UBE2U: variants seen among roughly 807,000 people sequenced by gnomAD.
The protein encoded by UBE2U is ubiquitin-conjugating enzyme E2 U.
A neutral mutation model predicts 41.2 loss-of-function variants in UBE2U; 39 were observed. The ratio of observed to expected loss-of-function variants is 0.95; its 90% CI spans 0.73 to 1.24. The LOEUF (loss-of-function observed/expected upper bound fraction) is 1.24, where lower values mean the gene tolerates loss of function less well. Ranked by LOEUF, UBE2U falls within the 50% of genes most tolerant of loss-of-function variation. The probability of loss-of-function intolerance (pLI) is 0.00; values close to 1 mark genes in which losing one functional copy is unlikely to be tolerated. For synonymous variants in UBE2U, 107 were observed against 117.8 expected (o/e 0.91, Z 0.60); for missense variants, 336 against 363.1 (o/e 0.93, Z 0.61).
intron 6 of UBE2U, among the ~76,000 whole-genome samples, chr1:64,228,143 G>A (rs72918846): frequency 0.019 from 2,908 of 152,212 alleles, 92 homozygotes; most frequent in African/African-American, 0.066. Flanking sequence ...TTACAGCATA[G>A]ATACCCCTAG....
chr1:64,242,262 G>A (rs1387867384), intron 8 of UBE2U, among the ~76,000 whole-genome samples: 1 of 152,060 alleles, frequency 6.6e-6, no homozygotes, highest in African/African-American at 2.4e-5. Flanking sequence ...CATTAAGGAA[G>A]GAACCTTAAT....
intron 3 of UBE2U, among the ~76,000 whole-genome samples, chr1:64,207,273 C>T (rs1337462966): frequency 6.6e-6 from 1 of 152,116 alleles, no homozygotes; most frequent in Non-Finnish European, 1.5e-5. Context: ...GCCTCAGCCT[C>T]CCCAGTAGCT....
At chr1:64,219,322 T>C (rs1652254832) in intron 5 of UBE2U, among the ~76,000 whole-genome samples, 1 of 152,122 alleles carries the variant, frequency 6.6e-6, no homozygotes, top group African/African-American at 2.4e-5. Flanking sequence ...TTTATTCTTT[T>C]TTTTTCTGGA....
chr1:64,207,300 G>A (rs989367255), intron 3 of UBE2U, among the ~76,000 whole-genome samples: 10 of 152,040 alleles, frequency 6.6e-5, no homozygotes, highest in Middle Eastern at 3.2e-3. Flanking sequence ...ACAGGCATGC[G>A]CCACCACACC....
Position 64,262,306 on chromosome 1 carries a change from T to C in UBE2U, c.769+1612T>C, listed in dbSNP as rs1169770275. Among the ~76,000 whole-genome samples, 7 of 152,350 alleles carry C rather than the reference T, an allele frequency of 4.6e-5. No individual in the cohort carries two copies. The South Asian group carries it at 8.3e-4, about 18-fold the overall frequency. ...TTGCTGTGTCACAAATTAGCACACA[T>C]TGAATGGTTTAAAACAACACACATT... is the stretch of plus-strand genomic sequence containing the variant. On this transcript the variant is annotated intron_variant, in intron 9 of 9. Transcript: ENST00000371077.
chr1:64,206,496 C>T (rs768868763), intron 2 of UBE2U, among the ~76,000 whole-genome samples: 1 of 150,620 alleles, frequency 6.6e-6, no homozygotes, highest in Non-Finnish European at 1.5e-5. Flanking sequence ...TCAGTCAATA[C>T]GAGATACAAC....
At chr1:64,211,872 C>T (rs12097017) in intron 4 of UBE2U, among the ~76,000 whole-genome samples, 8,840 of 152,088 alleles carry the variant, frequency 0.058, 849 homozygotes, top group African/African-American at 0.2. Context: ...TACTTATCAC[C>T]AATAATATCT....
intron 8 of UBE2U, among the ~76,000 whole-genome samples, chr1:64,250,918 T>TG (rs1570125882): frequency 3.3e-5 from 3 of 89,692 alleles, no homozygotes; most frequent in South Asian, 3.9e-4. Context: ...TGTCGTGGGG[T>TG]GGGGGGAGGG....
At chr1:64,239,320 TTAA>T (rs747192127) in intron 7 of UBE2U, among the ~76,000 whole-genome samples, 11 of 151,792 alleles carry the variant, frequency 7.2e-5, no homozygotes, top group Non-Finnish European at 1.2e-4. Flanking sequence ...ATGATCTGGC[TTAA>T]TAATATTTCA....
intron 7 of UBE2U, among the ~76,000 whole-genome samples, chr1:64,239,193 A>AAGAAGAAGAAGAAGAAGAAGAAG (rs1557731681): frequency 1.5e-5 from 2 of 134,890 alleles, no homozygotes; most frequent in East Asian, 4.7e-4. Context: ...AGAAGAAGAA[A>AAGAAGAAGAAGAAGAAGAAGAAG]GCCCCAGACA....
intron 6 of UBE2U, among the ~76,000 whole-genome samples, chr1:64,230,915 G>T (rs1371662039): frequency 6.6e-6 from 1 of 151,978 alleles, no homozygotes. Context: ...CCCATCATTG[G>T]TTGAAACTAT....
At chr1:64,239,157 A>AAGAAGGAGAAGGAGAAGAAGAAGAAGAAG in intron 7 of UBE2U, among the ~76,000 whole-genome samples, 3 of 37,068 alleles carry the variant, frequency 8.1e-5, no homozygotes, top group African/African-American at 2.5e-4. Flanking sequence ...GAAGAAGAAG[A>AAGAAGGAGAAGGAGAAGAAGAAGAAGAAG]AAGAAGAAGA....
chr1:64,216,049 G>C (rs1651988836), intron 5 of UBE2U, among the ~76,000 whole-genome samples: 1 of 152,094 alleles, frequency 6.6e-6, no homozygotes, highest in Non-Finnish European at 1.5e-5. Context: ...GATTTACATT[G>C]CTTCTTTTTC....
rs1482673191 is a variant in UBE2U, at chr1:64,204,937, TA to T, written c.67-701del. On this transcript the variant is annotated intron_variant, in intron 1 of 9. Transcript: ENST00000371077. ...CCTGGGGCATGGACCTAACATTTGA[TA>T]TTGTTTCTGCTCATCCTGAGCTCTG... 6.6e-5 allele frequency among the ~76,000 whole-genome samples: 10 copies of T among 152,214 alleles called. No homozygotes were observed. In the East Asian group the frequency reaches 1.9e-3, roughly 29 times the overall value.
chr1:64,211,961 A>G (rs1370813447), intron 4 of UBE2U, among the ~76,000 whole-genome samples: 1 of 152,182 alleles, frequency 6.6e-6, no homozygotes, highest in Non-Finnish European at 1.5e-5. Context: ...TTTTAAATAT[A>G]GAATTATAAT....
Position 64,204,104 on chromosome 1 carries a change from GAAC to G in UBE2U, c.57_59del (p.Asn20del). The G allele has an allele frequency of 6.2e-7, 1 of 1,613,734 alleles. No homozygotes were observed. The highest frequency in any genetic ancestry group is 8.5e-7 in the Non-Finnish European group (1 of 1,179,810). On this transcript the variant is annotated inframe_deletion, in exon 1 of 10. Coordinates refer to ENST00000371077, the MANE Select transcript of UBE2U (RefSeq NM_001366232.2). ...ACAGAGACTTCTGTGATCTCAAGGA[GAAC>G]AATTATAAGGTAAGTACTGGGCACG...
chr1:64,216,596 C>G (rs1402360982), intron 5 of UBE2U, among the ~76,000 whole-genome samples: 2 of 152,204 alleles, frequency 1.3e-5, no homozygotes, highest in Non-Finnish European at 2.9e-5. Context: ...CAGGCTTGGC[C>G]CTGCCTCGTG....
At chr1:64,213,883 A>G (rs532161671) in intron 4 of UBE2U, among the ~76,000 whole-genome samples, 1 of 152,342 alleles carries the variant, frequency 6.6e-6, no homozygotes, top group South Asian at 2.1e-4. Flanking sequence ...CTACAAACCT[A>G]TACAACATGT....
chr1:64,255,198 C>A (rs1205025573), intron 8 of UBE2U, among the ~76,000 whole-genome samples: 2 of 152,066 alleles, frequency 1.3e-5, no homozygotes, highest in East Asian at 1.9e-4. Context: ...TGGACACACA[C>A]ACCTTCCCAA....
Sources: allele counts gnomAD v4.1 joint callset (sites outside exome capture counted in the v4.1 genomes callset), GRCh38; gene constraint gnomAD v4.1.1; transcripts MANE v1.5; gene names NCBI Gene and HGNC (gene_info 2026-07-23, HGNC 2026-07-21).